Variants in KCNH1 observed in about 807,000 individuals in gnomAD.
KCNH1 encodes voltage-gated delayed rectifier potassium channel KCNH1.
A neutral mutation model predicts 69.2 loss-of-function variants in KCNH1; 27 were observed. That is an observed-to-expected ratio of 0.39 (90% CI 0.29 to 0.54). The LOEUF is 0.54. Among genes scored for constraint, KCNH1 ranks in the 20% least tolerant of loss-of-function variants. The pLI, the probability that KCNH1 is intolerant of heterozygous loss-of-function variation, is 0.68. For synonymous variants in KCNH1, 456 were observed against 487.7 expected, an observed-to-expected ratio of 0.93 and a Z score of 0.86; for missense variants, 798 against 1,261.6, an observed-to-expected ratio of 0.63 and a Z score of 5.57.
intron 3 of KCNH1, among the ~76,000 whole-genome samples, chr1:211,101,416 T>C (rs1420383061): frequency 2.6e-5 from 4 of 152,150 alleles, no homozygotes; most frequent in African/African-American, 7.2e-5. Flanking sequence ...GATTTGGAGG[T>C]AGTAAGCAGG....
chr1:210,730,163 G>A (rs1005703993), intron 10 of KCNH1, among the ~76,000 whole-genome samples: 7 of 152,156 alleles, frequency 4.6e-5, no homozygotes, highest in African/African-American at 1.4e-4. Flanking sequence ...GACAGTGCCT[G>A]GCCCACAGTA....
Position 210,683,571 on chromosome 1 carries a change from C to A in KCNH1, c.2680G>T (p.Val894Leu), listed in dbSNP as rs371256167. The change falls in exon 11 of 11, where the codon GTG becomes TTG. Residue 894 changes from valine to leucine, a missense_variant. Val to Leu is a conservative substitution (Grantham distance 32). Coordinates refer to ENST00000271751, the MANE Select transcript of KCNH1 (RefSeq NM_172362.3). This position sits in a 1 kb window ranked among gnomAD's most constrained non-coding sequence, Gnocchi z 5.7. ...TCCTGGGGACTCCTGGCCTCACCCA[C>A]GTTGTCCAGGCGCAAGTCGCTCTTG... The part of the protein sequence containing the change: ...ITKSDLRLDN[V>L]GEARSPQDRS... 4 of 1,614,176 alleles carry A rather than the reference C, an allele frequency of 2.5e-6. No individual in the cohort carries two copies. Among genetic ancestry groups the A allele is most frequent in the Admixed American group, 3.3e-5 (2 of 60,030 alleles).
chr1:210,994,490 T>G (rs7547937), intron 6 of KCNH1, among the ~76,000 whole-genome samples: 117,548 of 152,124 alleles, frequency 0.77, 46,122 homozygotes, highest in African/African-American at 0.89. Context: ...AAGTCACCAA[T>G]CCAGCCTAAG....
At chr1:211,037,492 C>CT (rs59386390) in intron 5 of KCNH1, among the ~76,000 whole-genome samples, 5,134 of 115,324 alleles carry the variant, frequency 0.045, 185 homozygotes, top group South Asian at 0.075. Flanking sequence ...TAATTCAGTG[C>CT]TTTTTTTTTT....
At chr1:210,792,069 T>C (rs182493724) in intron 9 of KCNH1, among the ~76,000 whole-genome samples, 3 of 152,226 alleles carry the variant, frequency 2.0e-5, no homozygotes, top group Admixed American at 2.0e-4. Context: ...GCTCTTCCCA[T>C]CTTCTTTCCT....
intron 10 of KCNH1, among the ~76,000 whole-genome samples, chr1:210,751,603 G>A (rs1252302561): frequency 1.3e-5 from 2 of 152,042 alleles, no homozygotes; most frequent in Non-Finnish European, 2.9e-5. Context: ...AGGGGCCACT[G>A]GGGTAGCGGC....
intron 10 of KCNH1, among the ~76,000 whole-genome samples, chr1:210,746,911 G>A (rs1683174535): frequency 6.6e-6 from 1 of 152,112 alleles, no homozygotes; most frequent in South Asian, 2.1e-4. Flanking sequence ...AAGGTTTTCT[G>A]CAGAATGGGA....
intron 6 of KCNH1, among the ~76,000 whole-genome samples, chr1:210,963,601 C>T (rs1294850432): frequency 6.6e-6 from 1 of 151,870 alleles, no homozygotes; most frequent in African/African-American, 2.4e-5. Flanking sequence ...ACATAAATGA[C>T]CTGATGGAAC....
intron 7 of KCNH1, 119 bp from the exon 8 acceptor site, chr1:210,804,285 G>A: frequency 2.5e-6 from 2 of 788,636 alleles, no homozygotes; most frequent in Non-Finnish European, 2.1e-6. Flanking sequence ...CCTCCCCAGT[G>A]CAGACTGCCC....
rs1358694562 is a variant in KCNH1 at position 210,919,861 on chromosome 1, C to A, written c.1241G>T (p.Arg414Leu). The A allele has an allele frequency of 6.2e-7, 1 of 1,614,164 alleles. No individual in the cohort carries two copies. Among genetic ancestry groups the A allele is most frequent in the Admixed American group, 1.7e-5 (1 of 60,032 alleles). Residue 414 changes from arginine to leucine, a missense_variant, in exon 7 of 11, where the codon CGC becomes CTC. By Grantham distance (102) the Arg-to-Leu change is moderately radical. Coordinates refer to ENST00000271751, the MANE Select transcript of KCNH1 (RefSeq NM_172362.3). This position sits in a 1 kb window ranked among gnomAD's most constrained non-coding sequence, Gnocchi z 4.2. ...EIFDEDTKTI[R>L]NNSWLYQLAM... ...TAGTTGGTACAGCCAGCTGTTGTTG[C>A]GGATTGTCTTGGTGTCCTCGTCAAA...
chr1:211,009,130 C>G (rs1443906841), intron 6 of KCNH1, among the ~76,000 whole-genome samples: 1 of 152,096 alleles, frequency 6.6e-6, no homozygotes, highest in Non-Finnish European at 1.5e-5. Context: ...GATAGGCCAC[C>G]ATTGTGGATT....
intron 7 of KCNH1, among the ~76,000 whole-genome samples, chr1:210,895,876 G>C (rs79876737): frequency 0.031 from 4,697 of 152,172 alleles, 172 homozygotes; most frequent in East Asian, 0.14. Flanking sequence ...CATTTACATA[G>C]ACACATCCTA....
rs993706388 is a variant in KCNH1, at chr1:210,822,925, C to A, written c.1463-18759G>T. ...TTATTCCCCCTACCAGAAGGGAAAA[C>A]AAGCCACTCTAGGATCGGGGTGGGA... is the stretch of plus-strand genomic sequence containing the variant. On this transcript the variant is annotated intron_variant, in intron 7 of 10. Transcript: ENST00000271751. 1.8e-4 allele frequency among the ~76,000 whole-genome samples: 28 copies of A among 152,182 alleles called. 1 individual carries two copies. The South Asian group carries it at 5.4e-3, about 29-fold the overall frequency.
At chr1:210,690,800 G>A (rs1681512658) in intron 10 of KCNH1, among the ~76,000 whole-genome samples, 1 of 152,248 alleles carries the variant, frequency 6.6e-6, no homozygotes, top group Non-Finnish European at 1.5e-5. Context: ...GGCTAAGGCT[G>A]TGTGGCACCC....
At chr1:211,012,388 C>G (rs192934328) in intron 6 of KCNH1, among the ~76,000 whole-genome samples, 1 of 152,024 alleles carries the variant, frequency 6.6e-6, no homozygotes, top group African/African-American at 2.4e-5. Context: ...ATCACCAGTG[C>G]TATAGAGTGA....
At chr1:211,038,648 T>C (rs963757671) in intron 5 of KCNH1, among the ~76,000 whole-genome samples, 2 of 152,112 alleles carry the variant, frequency 1.3e-5, no homozygotes, top group Non-Finnish European at 2.9e-5. Context: ...GATGAGGAAC[T>C]TGTTGGGGAC....
chr1:211,120,602 A>G (rs1301454535), intron 1 of KCNH1, among the ~76,000 whole-genome samples: 1 of 152,182 alleles, frequency 6.6e-6, no homozygotes, highest in Non-Finnish European at 1.5e-5. Flanking sequence ...TGAATAACAC[A>G]AAAAATATCA....
chr1:211,008,251 A>AC (rs1689322152), intron 6 of KCNH1, among the ~76,000 whole-genome samples: 2 of 152,224 alleles, frequency 1.3e-5, no homozygotes, highest in Non-Finnish European at 2.9e-5. Context: ...ACACAACATG[A>AC]ATAAACCTTG....
intron 7 of KCNH1, among the ~76,000 whole-genome samples, chr1:210,837,246 G>C (rs1368987415): frequency 6.6e-6 from 1 of 152,008 alleles, no homozygotes; most frequent in Non-Finnish European, 1.5e-5. Flanking sequence ...AGCTTTTCTC[G>C]ACAGCATCTG....
Sources: gnomAD v4.1 joint callset for allele counts (sites outside exome capture counted in the v4.1 genomes callset) on GRCh38, gnomAD v4.1.1 for gene constraint, Gnocchi (gnomAD v3.1) non-coding constraint, MANE v1.5 for transcripts, NCBI Gene and HGNC (gene_info 2026-07-23, HGNC 2026-07-21) for gene names.